PRIM2: variants seen among roughly 807,000 people sequenced by gnomAD.
The protein encoded by PRIM2 is DNA primase subunit 2.
PRIM2 carries 39 observed loss-of-function variants against 67.3 expected under a neutral mutation model. The ratio of observed to expected loss-of-function variants is 0.58; its 90% CI spans 0.45 to 0.76. The LOEUF is 0.76. PRIM2 is among the 30% of genes least tolerant of loss of function. The probability of loss-of-function intolerance (pLI) is 0.00; values close to 1 mark genes in which losing one functional copy is unlikely to be tolerated. For synonymous variants in PRIM2, 143 were observed against 198.7 expected (o/e 0.72, Z 2.36); for missense variants, 398 against 598.7 (o/e 0.66, Z 3.50).
chr6:57,459,412 G>A (rs1199209562), intron 7 of PRIM2, among the ~76,000 whole-genome samples: 5 of 152,164 alleles, frequency 3.3e-5, no homozygotes, highest in African/African-American at 1.2e-4. Context: ...ATCTTATTAG[G>A]TGGACATTTT....
chr6:57,503,102 C>T (rs1774173374), intron 7 of PRIM2, among the ~76,000 whole-genome samples: 2 of 152,162 alleles, frequency 1.3e-5, no homozygotes, highest in African/African-American at 4.8e-5. Context: ...ATTCACTCTA[C>T]AAAACTTAGT....
intron 7 of PRIM2, among the ~76,000 whole-genome samples, chr6:57,495,721 C>T (rs1206936199): frequency 6.6e-6 from 1 of 152,098 alleles, no homozygotes; most frequent in Admixed American, 6.6e-5. Context: ...TCCTACACTC[C>T]ACTCCCCATA....
At chr6:57,330,375 GTTTTTTTGTTTT>G (rs1768016851) in intron 5 of PRIM2, among the ~76,000 whole-genome samples, 1 of 83,404 alleles carries the variant, frequency 1.2e-5, no homozygotes, top group African/African-American at 4.8e-5. Flanking sequence ...TTGTTTTTTT[GTTTTTTTGTTTT>G]TTTTTTTTTG....
In PRIM2 at chr6:57,646,101, T is replaced by C; in HGVS notation, c.1473T>C (p.Asn491=). 2 of 1,600,510 alleles carry C rather than the reference T, an allele frequency of 1.2e-6. No homozygotes were observed. Among genetic ancestry groups the C allele is most frequent in the South Asian group, 2.2e-5 (2 of 90,768 alleles). ...CATCATCTGCTCTGGCCTCTTTAAA[T>C]TCCTCTCTGGAAATGGATATGGAAG... ...KDASSALASL[N]SSLEMDMEGL... Residue 491 remains asparagine (N), a synonymous_variant, in exon 14 of 14, where the codon AAT becomes AAC. Coordinates refer to ENST00000615550, the MANE Select transcript of PRIM2 (RefSeq NM_000947.5).
At chr6:57,503,424 C>T (rs1484022833) in intron 7 of PRIM2, among the ~76,000 whole-genome samples, 2 of 152,228 alleles carry the variant, frequency 1.3e-5, no homozygotes, top group Admixed American at 1.3e-4. Context: ...CCAGCCCCCT[C>T]CACCAAAAAT....
intron 7 of PRIM2, among the ~76,000 whole-genome samples, chr6:57,475,131 T>C (rs1432312586): frequency 6.6e-6 from 1 of 152,202 alleles, no homozygotes; most frequent in Non-Finnish European, 1.5e-5. Flanking sequence ...CTCACAGATA[T>C]AAATACAGTT....
At chr6:57,297,580 G>A in the PRIM2 span, among the ~76,000 whole-genome samples, 1 of 152,166 alleles carries the variant, frequency 6.6e-6, no homozygotes, top group Non-Finnish European at 1.5e-5. Context: ...CCTTGAATAT[G>A]TCCCCTCAAG....
At position 57,446,294 on chromosome 6, in the gene PRIM2, T is replaced by TG. The variant is rs576212613; in HGVS notation, c.694-61093_694-61092insG. Among the ~76,000 whole-genome samples, 310 of 151,548 alleles carry TG rather than the reference T, an allele frequency of 2.0e-3. 1 individual carries two copies. The highest frequency in any genetic ancestry group is 6.8e-3 in the Middle Eastern group (2 of 294). On this transcript the variant is annotated intron_variant, in intron 7 of 13. Coordinates refer to ENST00000615550, the MANE Select transcript of PRIM2 (RefSeq NM_000947.5). Reference sequence around the variant, plus strand: ...CATGAGTAACTGTTTTTTTTGTTTTTTTTTTTTTTAGAAGTAATAGAAAAC... The same window carrying TG: ...CATGAGTAACTGTTTTTTTTGTTTTTGTTTTTTTTTAGAAGTAATAGAAAAC...
intron 5 of PRIM2, among the ~76,000 whole-genome samples, chr6:57,373,425 A>T (rs7773532): frequency 0.094 from 14,209 of 151,834 alleles, 1,518 homozygotes; most frequent in African/African-American, 0.26. Flanking sequence ...CTGTTGATAG[A>T]TTCTTTTGCT....
chr6:57,441,986 A>C (rs1772216056), intron 7 of PRIM2, among the ~76,000 whole-genome samples: 1 of 152,198 alleles, frequency 6.6e-6, no homozygotes, highest in Non-Finnish European at 1.5e-5. Flanking sequence ...ATAAGCAGGA[A>C]AAGAAAAAAA....
At chr6:57,374,056 A>G (rs1196202876) in intron 5 of PRIM2, among the ~76,000 whole-genome samples, 3 of 152,024 alleles carry the variant, frequency 2.0e-5, no homozygotes, top group Non-Finnish European at 2.9e-5. Flanking sequence ...CATTTTCATG[A>G]TACTGATTCT....
chr6:57,332,221 T>C (rs188737939), intron 5 of PRIM2, among the ~76,000 whole-genome samples: 54 of 152,280 alleles, frequency 3.5e-4, no homozygotes, highest in Admixed American at 2.0e-3. Context: ...TCCATTTTAG[T>C]TTGAGAATAT....
intron 7 of PRIM2, among the ~76,000 whole-genome samples, chr6:57,416,755 TG>T (rs1396351046): frequency 4.7e-4 from 72 of 152,156 alleles, no homozygotes; most frequent in Non-Finnish European, 9.0e-4. Flanking sequence ...GTTATAGAGA[TG>T]GCTGCTCTCC....
chr6:57,519,947 G>A (rs1207312447), intron 8 of PRIM2, among the ~76,000 whole-genome samples: 2 of 152,166 alleles, frequency 1.3e-5, no homozygotes, highest in Non-Finnish European at 2.9e-5. Context: ...CTGACTTCCC[G>A]CAACAACTTA....
intron 6 of PRIM2, among the ~76,000 whole-genome samples, chr6:57,381,088 T>C (rs1769944775): frequency 6.6e-6 from 1 of 152,144 alleles, no homozygotes; most frequent in Non-Finnish European, 1.5e-5. Context: ...CTATGTAAGC[T>C]ACCTATTTGG....
At chr6:57,419,040 A>G (rs12197197) in intron 7 of PRIM2, among the ~76,000 whole-genome samples, 1 of 152,224 alleles carries the variant, frequency 6.6e-6, no homozygotes, top group Non-Finnish European at 1.5e-5. Context: ...AGAGAATTAA[A>G]TATTTGATGT....
At chr6:57,320,269 C>T (rs1394216147) in intron 2 of PRIM2, among the ~76,000 whole-genome samples, 188 bp from the exon 3 acceptor site, 2 of 152,132 alleles carry the variant, frequency 1.3e-5, no homozygotes, top group African/African-American at 4.8e-5. Flanking sequence ...TGGATATTTT[C>T]TGCACATAGA....
the PRIM2 span, among the ~76,000 whole-genome samples, chr6:57,233,873 G>A: frequency 1.3e-5 from 2 of 152,016 alleles, no homozygotes; most frequent in Non-Finnish European, 2.9e-5. Context: ...ATGTTGCCCA[G>A]GCTGGACTCA....
intron 12 of PRIM2, among the ~76,000 whole-genome samples, chr6:57,628,435 G>C (rs1776989741): frequency 1.3e-5 from 2 of 152,276 alleles, no homozygotes; most frequent in African/African-American, 2.4e-5. Context: ...AAGTACTCTT[G>C]CCTAACAACA....
Sources: gnomAD v4.1 joint callset for allele counts (sites outside exome capture counted in the v4.1 genomes callset) on GRCh38, gnomAD v4.1.1 for gene constraint, MANE v1.5 for transcripts, NCBI Gene and HGNC (gene_info 2026-07-23, HGNC 2026-07-21) for gene names.